The following TXN variants were observed in gnomAD, a reference collection of about 807,000 sequenced individuals.
TXN encodes thioredoxin.
A neutral mutation model predicts 16.5 loss-of-function variants in TXN; 10 were observed. The ratio of observed to expected loss-of-function variants is 0.61; its 90% CI spans 0.37 to 1.03. The LOEUF is 1.03. Ranked by LOEUF, TXN falls within the 50% of genes least tolerant of loss-of-function variation. The pLI, the probability that TXN is intolerant of heterozygous loss-of-function variation, is 0.01. For missense variants in TXN, 71 were observed against 122.5 expected, an observed-to-expected ratio of 0.58 and a Z score of 1.98; for synonymous variants, 35 against 39.4, an observed-to-expected ratio of 0.89 and a Z score of 0.42.
At chr9:110,245,591 G>GTA (rs1237841939) in intron 3 of TXN, among the ~76,000 whole-genome samples, 5 of 77,162 alleles carry the variant, frequency 6.5e-5, no homozygotes, top group Admixed American at 4.2e-4. Context: ...GTGTGTGTGT[G>GTA]TGTATATATA....
chr9:110,254,390 C>T (rs935688039), intron 1 of TXN, among the ~76,000 whole-genome samples: 3 of 152,112 alleles, frequency 2.0e-5, no homozygotes, highest in African/African-American at 7.2e-5. Context: ...ATTTTGGCAG[C>T]GCATGCCTGT....
rs1156345757 is a variant in TXN at position 110,256,030 on chromosome 9, TGCCCGGACG to T, written c.24+373_24+381del. ...TCCCTCATCTTCCTCCAGTCGGGGCTGCCCGGACGGGAGGGTGCAGGAGGCGCAGCGTGG... is the reference window on the plus strand; with the variant it reads ...TCCCTCATCTTCCTCCAGTCGGGGCTGGAGGGTGCAGGAGGCGCAGCGTGG... On this transcript the variant is annotated intron_variant, in intron 1 of 4. Coordinates refer to ENST00000374517, the MANE Select transcript of TXN (RefSeq NM_003329.4). This position sits in a 1 kb window ranked among gnomAD's most constrained non-coding sequence, Gnocchi z 4.2. Among the ~76,000 whole-genome samples, 1 of 152,176 alleles carries T rather than the reference TGCCCGGACG, an allele frequency of 6.6e-6. No individual in the cohort carries two copies. Among genetic ancestry groups the T allele is most frequent in the African/African-American group, 2.4e-5 (1 of 41,466 alleles).
chr9:110,250,036 T>C (rs1343951167), intron 3 of TXN, among the ~76,000 whole-genome samples: 1 of 102,002 alleles, frequency 9.8e-6, no homozygotes, highest in Non-Finnish European at 2.1e-5. Flanking sequence ...GGTCATGTGC[T>C]AAGCACCCGA....
intron 2 of TXN, 26 bp from the exon 3 acceptor site, chr9:110,250,905 A>G: frequency 1.3e-6 from 2 of 1,578,522 alleles, no homozygotes; most frequent in South Asian, 1.1e-5. Context: ...TGAAAAATCC[A>G]AAAAGATTTA....
At position 110,252,685 on chromosome 9, in the gene TXN, C is replaced by G. The variant is rs559453670; in HGVS notation, c.25-1223G>C. Among the ~76,000 whole-genome samples, 690 of 152,114 alleles carry G rather than the reference C, an allele frequency of 4.5e-3. 6 individuals are homozygous for G. Among genetic ancestry groups the G allele is most frequent in the Non-Finnish European group, 3.3e-3 (223 of 67,992 alleles). The stretch of plus-strand genomic sequence containing the variant: ...TTTTGAGACGGAGTTTCACTTGTTG[C>G]CCAGGCTGGAGTGCAAAGGCCTGAT... On this transcript the variant is annotated intron_variant, in intron 1 of 4. Transcript: ENST00000374517.
intron 3 of TXN, among the ~76,000 whole-genome samples, chr9:110,247,167 T>G (rs1435325465): frequency 1.3e-5 from 2 of 151,702 alleles, no homozygotes; most frequent in Non-Finnish European, 2.9e-5. Flanking sequence ...TACTAAAAAG[T>G]TGAAATTTAG....
At chr9:110,255,711 C>A (rs989907084) in intron 1 of TXN, among the ~76,000 whole-genome samples, 2 of 152,188 alleles carry the variant, frequency 1.3e-5, no homozygotes, top group Non-Finnish European at 2.9e-5. Flanking sequence ...CTGGGGCCCT[C>A]GGGCCTCCTG....
At chr9:110,249,125 CAAAAAAAAAAAAAAAAAAAAAAAA>C (rs71302631) in intron 3 of TXN, among the ~76,000 whole-genome samples, 1 of 53,818 alleles carries the variant, frequency 1.9e-5, no homozygotes, top group African/African-American at 6.9e-5. Flanking sequence ...AACTCCATCT[CAAAAAAAAAAAAAAAAAAAAAAAA>C]AAAAAAAAAA....
chr9:110,255,734 C>G (rs574283826), intron 1 of TXN, among the ~76,000 whole-genome samples: 132 of 152,326 alleles, frequency 8.7e-4, no homozygotes, highest in African/African-American at 3.1e-3. Flanking sequence ...CAGACCTGCA[C>G]GTGCCAGGGG....
At chr9:110,244,724 T>G in intron 4 of TXN, 54 bp downstream of exon 4, 1 of 1,441,436 alleles carries the variant, frequency 6.9e-7, no homozygotes, top group South Asian at 1.1e-5. Context: ...ATTTATTCAC[T>G]TATACTGGGT....
chr9:110,255,008 G>T (rs1456346113), intron 1 of TXN, among the ~76,000 whole-genome samples: 1 of 152,228 alleles, frequency 6.6e-6, no homozygotes, highest in African/African-American at 2.4e-5. Flanking sequence ...CTGCTAAAAT[G>T]AGAATCCCAC....
intron 3 of TXN, among the ~76,000 whole-genome samples, chr9:110,247,010 G>T (rs181894091): frequency 5.8e-4 from 89 of 152,194 alleles, no homozygotes; most frequent in African/African-American, 2.0e-3. Flanking sequence ...TTTGTCAGAG[G>T]GTCACTTCAA....
chr9:110,250,091 G>A (rs986674820), intron 3 of TXN, among the ~76,000 whole-genome samples: 1 of 152,234 alleles, frequency 6.6e-6, no homozygotes, highest in Admixed American at 6.5e-5. Context: ...TAGTGCTTAA[G>A]GTCAAGGGCT....
intron 1 of TXN, 44 bp from the exon 2 acceptor site, chr9:110,251,506 T>C: frequency 9.0e-7 from 1 of 1,109,448 alleles, no homozygotes; most frequent in Non-Finnish European, 1.3e-6. Flanking sequence ...TAGTTAAATA[T>C]TAAACCTTCA....
chr9:110,251,619 A>T (rs551525642), intron 1 of TXN, among the ~76,000 whole-genome samples, 157 bp from the exon 2 acceptor site: 2 of 138,794 alleles, frequency 1.4e-5, no homozygotes, highest in Non-Finnish European at 3.1e-5. Flanking sequence ...AAAAATCCCC[A>T]AACAAGCCAA....
intron 4 of TXN, 102 bp from the exon 5 acceptor site, chr9:110,244,321 G>T (rs915924479): frequency 3.8e-5 from 12 of 319,296 alleles, no homozygotes; most frequent in Non-Finnish European, 5.5e-5. Flanking sequence ...ATATACATAT[G>T]TATATATATA....
At chr9:110,246,957 T>C (rs1837667280) in intron 3 of TXN, among the ~76,000 whole-genome samples, 1 of 152,178 alleles carries the variant, frequency 6.6e-6, no homozygotes. Context: ...CTACTACTCA[T>C]ACTTTTCTAT....
rs770750040 is a variant in TXN at position 110,256,486 on chromosome 9, C to G, written c.-51G>C. 2.0e-5 allele frequency: 32 copies of G among 1,576,612 alleles called. No homozygotes were observed. In the South Asian group the frequency reaches 3.7e-4, roughly 18 times the overall value. On this transcript the variant is annotated 5_prime_UTR_variant, in exon 1 of 5. Coordinates refer to ENST00000374517, the MANE Select transcript of TXN (RefSeq NM_003329.4). This position sits in a 1 kb window ranked among gnomAD's most constrained non-coding sequence, Gnocchi z 4.2. ...GCTGTAAGGACCGATGGAAATGGAT[C>G]CAAAGCACCAAACAGAGCTTCAAGA...
chr9:110,247,238 G>A lies in TXN; in HGVS notation c.190-2395C>T, dbSNP rs575541158. Among the ~76,000 whole-genome samples, 4 of 151,470 alleles carry A rather than the reference G, an allele frequency of 2.6e-5. No homozygotes were observed. In the East Asian group the frequency reaches 5.8e-4, roughly 22 times the overall value. On this transcript the variant is annotated intron_variant, in intron 3 of 4. Transcript: ENST00000374517. ...CTCAGGAGGCTGAGGCAGAAGAATC[G>A]CTTGAACCCGGGAGGTGGAGGTTGC...
Sources: allele counts gnomAD v4.1 joint callset (sites outside exome capture counted in the v4.1 genomes callset), GRCh38; gene constraint gnomAD v4.1.1; non-coding constraint Gnocchi (gnomAD v3.1); transcripts MANE v1.5; gene names NCBI Gene and HGNC (gene_info 2026-07-23, HGNC 2026-07-21).